GPC6: variants seen among roughly 807,000 people sequenced by gnomAD.
GPC6 encodes glypican 6.
A neutral mutation model predicts 55.2 loss-of-function variants in GPC6; 14 were observed. That is an observed-to-expected ratio of 0.25 (90% CI 0.17 to 0.40). GPC6 has a LOEUF of 0.40. GPC6 is among the 10% of genes least tolerant of loss of function. The pLI, the probability that GPC6 is intolerant of heterozygous loss-of-function variation, is 1.00. For missense variants in GPC6, 641 were observed against 708.5 expected, an observed-to-expected ratio of 0.90 and a Z score of 1.08; for synonymous variants, 278 against 259.6, an observed-to-expected ratio of 1.07 and a Z score of -0.68.
Position 94,406,370 on chromosome 13 carries a change from A to C in GPC6, c.*3153A>C, listed in dbSNP as rs1881366674. 2 of 152,166 alleles carry C rather than the reference A, an allele frequency of 1.3e-5. No individual in the cohort carries two copies. The highest frequency in any genetic ancestry group is 4.8e-5 in the African/African-American group (2 of 41,458). 9.4% of individuals were successfully genotyped at this position (152,166 alleles called of 1,614,324 possible). The stretch of plus-strand genomic sequence containing the variant: ...TGTTTATGGTTCTGTATTGAAGGAC[A>C]ACCATGACAACCTTCTGTCATTTTC... On this transcript the variant is annotated 3_prime_UTR_variant, in exon 9 of 9. Transcript: ENST00000377047.
intron 6 of GPC6, among the ~76,000 whole-genome samples, chr13:94,359,987 C>T (rs914865573): frequency 8.5e-5 from 13 of 152,254 alleles, no homozygotes; most frequent in African/African-American, 3.1e-4. Context: ...GAGAAATAGT[C>T]TCAAGGAGAG....
chr13:93,642,846 T>A (rs532594547), intron 2 of GPC6, among the ~76,000 whole-genome samples: 1 of 152,234 alleles, frequency 6.6e-6, no homozygotes, highest in Non-Finnish European at 1.5e-5. Context: ...GTTTCATCAC[T>A]TGCAGTGGTT....
chr13:93,597,465 C>T (rs979144293), intron 2 of GPC6, among the ~76,000 whole-genome samples: 3 of 152,166 alleles, frequency 2.0e-5, no homozygotes, highest in Non-Finnish European at 4.4e-5. Flanking sequence ...TGACTGGAAC[C>T]TGGGCCCCCT....
At chr13:93,432,319 G>T (rs1042582439) in intron 1 of GPC6, among the ~76,000 whole-genome samples, 12 of 152,132 alleles carry the variant, frequency 7.9e-5, no homozygotes, top group Non-Finnish European at 1.8e-4. Flanking sequence ...ACTCTTTGGT[G>T]AGAAACATAA....
intron 1 of GPC6, among the ~76,000 whole-genome samples, chr13:93,231,422 T>TATATACAC (rs1271799609): frequency 2.0e-5 from 1 of 50,004 alleles, no homozygotes; most frequent in African/African-American, 8.9e-5. Flanking sequence ...TATATATATA[T>TATATACAC]ACGTATATAT....
At chr13:94,074,415 C>T (rs1051008486) in intron 4 of GPC6, among the ~76,000 whole-genome samples, 1 of 152,156 alleles carries the variant, frequency 6.6e-6, no homozygotes, top group Non-Finnish European at 1.5e-5. Context: ...TCAGAAATCA[C>T]ATTGTATTTA....
intron 4 of GPC6, among the ~76,000 whole-genome samples, chr13:94,207,915 C>G (rs1016261188): frequency 5.3e-5 from 8 of 152,060 alleles, no homozygotes; most frequent in African/African-American, 1.9e-4. Flanking sequence ...ATTTTTGCAC[C>G]AACTTCACAT....
intron 4 of GPC6, among the ~76,000 whole-genome samples, chr13:94,121,463 C>A (rs1886627065): frequency 6.6e-6 from 1 of 151,984 alleles, no homozygotes; most frequent in African/African-American, 2.4e-5. Context: ...AAAAGTCATT[C>A]AATAAAAATG....
intron 2 of GPC6, among the ~76,000 whole-genome samples, chr13:93,778,255 G>A (rs1327002235): frequency 6.6e-6 from 1 of 152,076 alleles, no homozygotes; most frequent in East Asian, 1.9e-4. Flanking sequence ...TCCTTTGACA[G>A]ATTTTTTTTC....
chr13:93,704,460 C>A (rs1324159005), intron 2 of GPC6, among the ~76,000 whole-genome samples: 1 of 151,726 alleles, frequency 6.6e-6, no homozygotes, highest in African/African-American at 2.4e-5. Context: ...CTCTCAATAA[C>A]CTTCATTTTT....
chr13:93,550,277 G>A (rs563598740), intron 2 of GPC6, among the ~76,000 whole-genome samples: 1 of 152,180 alleles, frequency 6.6e-6, no homozygotes, highest in African/African-American at 2.4e-5. Context: ...TAATTGAAGG[G>A]ATATTTTGTT....
At chr13:94,232,818 G>A (rs1890771539) in intron 4 of GPC6, among the ~76,000 whole-genome samples, 1 of 151,994 alleles carries the variant, frequency 6.6e-6, no homozygotes, top group Non-Finnish European at 1.5e-5. Context: ...GGCCAAGGTG[G>A]AGGCCTTGGA....
At chr13:93,226,273 T>C (rs150241426), upstream of GPC6, among the ~76,000 whole-genome samples, 307 of 152,184 alleles carry the variant, frequency 2.0e-3, 2 homozygotes, top group African/African-American at 7.0e-3. Flanking sequence ...CCTCCACACA[T>C]TAGAAACCTA....
At chr13:93,328,064 T>A (rs976844433) in intron 1 of GPC6, among the ~76,000 whole-genome samples, 1 of 152,140 alleles carries the variant, frequency 6.6e-6, no homozygotes, top group South Asian at 2.1e-4. Context: ...TACATATTTT[T>A]ATTCCTTCCA....
intron 3 of GPC6, among the ~76,000 whole-genome samples, chr13:93,978,810 A>G (rs935432194): frequency 5.3e-5 from 8 of 152,294 alleles, no homozygotes; most frequent in Admixed American, 5.2e-4. Flanking sequence ...ATCACTTTGT[A>G]TGTTTAATTT....
At chr13:94,392,887 A>G (rs1312782796) in intron 7 of GPC6, among the ~76,000 whole-genome samples, 2 of 152,038 alleles carry the variant, frequency 1.3e-5, no homozygotes, top group Non-Finnish European at 2.9e-5. Flanking sequence ...TGCTGGGATT[A>G]TAGGTGTGAG....
chr13:93,238,907 T>C (rs367817051), intron 1 of GPC6, among the ~76,000 whole-genome samples: 14 of 152,314 alleles, frequency 9.2e-5, no homozygotes, highest in African/African-American at 3.4e-4. Flanking sequence ...GACTTGCATA[T>C]GTTGAACCAT....
chr13:94,305,881 A>G (rs1875917579), intron 5 of GPC6, 99 bp from the exon 6 acceptor site: 3 of 1,130,444 alleles, frequency 2.7e-6, no homozygotes, highest in African/African-American at 1.5e-5. Context: ...TAAAAGTTTC[A>G]TAAGAAATGT....
At chr13:94,076,786 A>G (rs75380763) in intron 4 of GPC6, among the ~76,000 whole-genome samples, 11 of 151,860 alleles carry the variant, frequency 7.2e-5, no homozygotes, top group Non-Finnish European at 1.3e-4. Context: ...TAAGTTAATC[A>G]TATACATGTG....
Sources: allele counts gnomAD v4.1 joint callset (sites outside exome capture counted in the v4.1 genomes callset), GRCh38; gene constraint gnomAD v4.1.1; transcripts MANE v1.5; gene names NCBI Gene and HGNC (gene_info 2026-07-23, HGNC 2026-07-21).